Variants in TASP1 observed in about 807,000 individuals in gnomAD.
TASP1 encodes the protein taspase 1.
Under a neutral mutation model 56.6 loss-of-function variants are expected in TASP1, and 16 were observed. The observed-to-expected ratio is 0.28, with a 90% CI of 0.19 to 0.43. The LOEUF is 0.43. Among genes scored for constraint, TASP1 ranks in the 20% least tolerant of loss-of-function variants. The pLI is 1.00. For missense variants in TASP1, 393 were observed against 511.6 expected, an observed-to-expected ratio of 0.77 and a Z score of 2.24; for synonymous variants, 179 against 184.2, an observed-to-expected ratio of 0.97 and a Z score of 0.23.
At chr20:13,555,836 C>T (rs2046139638) in intron 8 of TASP1, among the ~76,000 whole-genome samples, 1 of 152,106 alleles carries the variant, frequency 6.6e-6, no homozygotes, top group South Asian at 2.1e-4. Flanking sequence ...TACAAAATGT[C>T]TTTCTTAAGC....
intron 7 of TASP1, among the ~76,000 whole-genome samples, chr20:13,559,365 C>A (rs903211480): frequency 6.6e-6 from 1 of 152,102 alleles, no homozygotes; most frequent in African/African-American, 2.4e-5. Flanking sequence ...ACCCTCAGGG[C>A]ATCTGTTGAT....
At chr20:13,377,543 T>C in the TASP1 span, among the ~76,000 whole-genome samples, 1,410 of 152,340 alleles carry the variant, frequency 9.3e-3, 34 homozygotes, top group African/African-American at 0.032. Context: ...TCTTTTTTTG[T>C]GGTGTCTCCA....
chr20:13,574,617 T>C (rs1336182810), intron 6 of TASP1, among the ~76,000 whole-genome samples: 1 of 123,692 alleles, frequency 8.1e-6, no homozygotes, highest in Non-Finnish European at 1.7e-5. Flanking sequence ...CCATGTTAAG[T>C]AGATACATGG....
At chr20:13,229,063 T>C in the TASP1 span, among the ~76,000 whole-genome samples, 1 of 152,100 alleles carries the variant, frequency 6.6e-6, no homozygotes, top group African/African-American at 2.4e-5. Context: ...CTCCCCTTCT[T>C]TTTCTTTCCC....
intron 13 of TASP1, among the ~76,000 whole-genome samples, chr20:13,400,246 TTCAAAAAATGAGATAC>T (rs2041688391): frequency 6.6e-6 from 1 of 152,186 alleles, no homozygotes; most frequent in Non-Finnish European, 1.5e-5. Context: ...AAATAATTCA[TTCAAAAAATGAGATAC>T]TGTGTTTTAT....
chr20:13,178,324 G>A, the TASP1 span, among the ~76,000 whole-genome samples: 1 of 152,132 alleles, frequency 6.6e-6, no homozygotes, highest in African/African-American at 2.4e-5. Flanking sequence ...AACTGGTACA[G>A]CCACTATGAA....
intron 10 of TASP1, among the ~76,000 whole-genome samples, chr20:13,494,194 T>C (rs2146589334): frequency 6.6e-6 from 1 of 152,328 alleles, no homozygotes; most frequent in Non-Finnish European, 1.5e-5. Flanking sequence ...GGATCACATA[T>C]GAGGAGAACC....
At chr20:13,215,195 T>C in the TASP1 span, among the ~76,000 whole-genome samples, 1 of 152,188 alleles carries the variant, frequency 6.6e-6, no homozygotes, top group Non-Finnish European at 1.5e-5. Context: ...TGCTACCAAG[T>C]CCCTGTGCAA....
the TASP1 span, among the ~76,000 whole-genome samples, chr20:13,236,974 C>A: frequency 6.6e-6 from 1 of 152,172 alleles, no homozygotes; most frequent in Non-Finnish European, 1.5e-5. Flanking sequence ...GGTAGATCTA[C>A]CATTCTGGGA....
At chr20:13,168,906 T>C in the TASP1 span, 4 of 152,096 alleles carry the variant, frequency 2.6e-5, no homozygotes, top group East Asian at 5.8e-4. Context: ...TAGGTAATTA[T>C]TGCGGGACAT....
chr20:13,535,687 A>G (rs1468254505), intron 8 of TASP1, among the ~76,000 whole-genome samples: 1 of 152,200 alleles, frequency 6.6e-6, no homozygotes, highest in South Asian at 2.1e-4. Context: ...ACAGACACTC[A>G]GGACATATTT....
intron 8 of TASP1, among the ~76,000 whole-genome samples, chr20:13,551,924 T>C (rs1192756653): frequency 1.3e-5 from 2 of 152,166 alleles, no homozygotes; most frequent in African/African-American, 2.4e-5. Context: ...ATGGCAATTT[T>C]GTAAGGGGAG....
chr20:13,625,625 G>A (rs1179668285), intron 2 of TASP1, among the ~76,000 whole-genome samples: 2 of 152,228 alleles, frequency 1.3e-5, no homozygotes, highest in African/African-American at 4.8e-5. Context: ...CTGACTGTCA[G>A]AAAGCCCCTG....
At chr20:13,137,605 C>A in the TASP1 span, among the ~76,000 whole-genome samples, 2 of 152,054 alleles carry the variant, frequency 1.3e-5, no homozygotes, top group African/African-American at 4.8e-5. Context: ...ATCAGAGAGG[C>A]TAAAGATGAC....
chr20:13,210,860 T>G, the TASP1 span, among the ~76,000 whole-genome samples: 1 of 152,154 alleles, frequency 6.6e-6, no homozygotes, highest in Admixed American at 6.6e-5. Context: ...TGTAATGCTT[T>G]CTTTTATTTA....
the TASP1 span, among the ~76,000 whole-genome samples, chr20:13,327,998 CTA>C: frequency 6.6e-6 from 1 of 152,110 alleles, no homozygotes; most frequent in Non-Finnish European, 1.5e-5. Flanking sequence ...GCAAAAGAAA[CTA>C]TCATTAGAGT....
the TASP1 span, among the ~76,000 whole-genome samples, chr20:13,189,596 A>C: frequency 6.6e-6 from 1 of 152,194 alleles, no homozygotes; most frequent in Non-Finnish European, 1.5e-5. Flanking sequence ...AAACAAAACC[A>C]CAATGAGATA....
At chr20:13,402,272 A>G (rs1183629440) in intron 13 of TASP1, among the ~76,000 whole-genome samples, 1 of 152,234 alleles carries the variant, frequency 6.6e-6, no homozygotes, top group African/African-American at 2.4e-5. Context: ...GGCAAAAATA[A>G]AATTACCAAC....
At chr20:13,123,355 A>G in the TASP1 span, among the ~76,000 whole-genome samples, 65 of 151,854 alleles carry the variant, frequency 4.3e-4, no homozygotes, top group African/African-American at 1.5e-3. Flanking sequence ...CACCAACTGC[A>G]TCAGGTATTC....
Sources: allele counts gnomAD v4.1 joint callset (sites outside exome capture counted in the v4.1 genomes callset), GRCh38; gene constraint gnomAD v4.1.1; transcripts MANE v1.5; gene names NCBI Gene and HGNC (gene_info 2026-07-23, HGNC 2026-07-21).